The following WDR7 variants were observed in gnomAD, a reference collection of about 807,000 sequenced individuals.
WDR7 encodes the protein WD repeat domain 7, also known as WD repeat-containing protein 7.
In WDR7, 46 loss-of-function variants were observed where a neutral mutation model predicts 169.4. That is an observed-to-expected ratio of 0.27 (90% CI 0.21 to 0.35). The LOEUF (loss-of-function observed/expected upper bound fraction) is 0.35. Ranked by LOEUF, WDR7 falls within the 10% of genes least tolerant of loss-of-function variation. WDR7 has a pLI of 1.00. For missense variants in WDR7, 1,534 were observed against 1,859.3 expected (o/e 0.83, Z 3.22); for synonymous variants, 612 against 666.8 (o/e 0.92, Z 1.27).
Position 56,880,178 on chromosome 18 carries a change from A to G in WDR7, c.3526+13A>G, listed in dbSNP as rs2046085429. ...GCCAGACATACTTGTAAGTTTTAAA[A>G]CTTCTAATGCTGATCTGTTGCTTCT... On this transcript the variant is annotated intron_variant, in intron 21 of 27. Coordinates refer to ENST00000254442, the MANE Select transcript of WDR7 (RefSeq NM_015285.3). The G allele has an allele frequency of 4.3e-6, 7 of 1,609,528 alleles. No individual in the cohort carries two copies. Among genetic ancestry groups the G allele is most frequent in the African/African-American group, 1.3e-5 (1 of 74,728 alleles).
chr18:56,730,431 A>T (rs113177182), intron 13 of WDR7, among the ~76,000 whole-genome samples: 1 of 152,196 alleles, frequency 6.6e-6, no homozygotes, highest in Non-Finnish European at 1.5e-5. Context: ...AGAAATGCAT[A>T]GATGGAGATA....
intron 5 of WDR7, among the ~76,000 whole-genome samples, chr18:56,684,940 C>T (rs1310532709): frequency 3.9e-5 from 6 of 152,148 alleles, no homozygotes; most frequent in Non-Finnish European, 8.8e-5. Flanking sequence ...ATATATTTAT[C>T]TCTAATATTA....
intron 21 of WDR7, among the ~76,000 whole-genome samples, chr18:56,896,707 G>C (rs570372320): frequency 3.3e-5 from 5 of 151,858 alleles, no homozygotes; most frequent in African/African-American, 9.6e-5. Context: ...TGGATTTACA[G>C]ACAAAACCTT....
chr18:56,947,148 T>C (rs182402163), intron 25 of WDR7, among the ~76,000 whole-genome samples: 1 of 152,344 alleles, frequency 6.6e-6, no homozygotes, highest in East Asian at 1.9e-4. Flanking sequence ...GTAACAAATA[T>C]GGCTGTATTA....
chr18:56,707,362 G>A (rs2025982162), intron 12 of WDR7, among the ~76,000 whole-genome samples: 1 of 151,284 alleles, frequency 6.6e-6, no homozygotes, highest in Non-Finnish European at 1.5e-5. Flanking sequence ...ATGGCCAGGT[G>A]GTTTTAAAAC....
chr18:56,678,096 A>AT (rs1457406697), intron 2 of WDR7, among the ~76,000 whole-genome samples: 2 of 152,172 alleles, frequency 1.3e-5, no homozygotes, highest in Non-Finnish European at 2.9e-5. Context: ...CAGCTTCAGA[A>AT]TTTCTGCCAG....
chr18:56,907,108 A>G (rs2046488855), intron 21 of WDR7, among the ~76,000 whole-genome samples: 1 of 152,196 alleles, frequency 6.6e-6, no homozygotes, highest in Non-Finnish European at 1.5e-5. Context: ...TTTTAATGGT[A>G]TAAAGATGTG....
intron 20 of WDR7, among the ~76,000 whole-genome samples, chr18:56,843,031 G>A (rs2045510589): frequency 1.3e-5 from 2 of 152,068 alleles, no homozygotes; most frequent in South Asian, 4.2e-4. Context: ...ATAAGCAGCT[G>A]GAAGCTTTGA....
chr18:56,776,965 A>T (rs1201756208), intron 17 of WDR7, 85 bp downstream of exon 17: 2 of 1,257,474 alleles, frequency 1.6e-6, no homozygotes, highest in African/African-American at 2.9e-5. Context: ...TTACACATTC[A>T]TCTGCTTTGT....
chr18:56,727,247 T>A (rs563997972), intron 13 of WDR7, among the ~76,000 whole-genome samples: 3 of 152,280 alleles, frequency 2.0e-5, no homozygotes, highest in Admixed American at 2.0e-4. Context: ...GAAGCAGAAG[T>A]CTTTTCTGCT....
At chr18:56,912,909 C>T (rs1288413792) in intron 21 of WDR7, among the ~76,000 whole-genome samples, 3 of 151,320 alleles carry the variant, frequency 2.0e-5, no homozygotes, top group Non-Finnish European at 2.9e-5. Flanking sequence ...CGGTCTCACT[C>T]TGTCACCCAG....
rs535927286 is a variant in WDR7 at position 56,935,822 on chromosome 18, G to A, written c.3748G>A (p.Asp1250Asn). ...GGGGTTGCCTCTGAGCCCAGCAGCT[G>A]ACTCGGCCCGCTCTGCGAGGCATGC... The part of the protein sequence containing the change: ...TMGLPLSPAA[D>N]SARSARHALS... Residue 1250 changes from aspartate to asparagine, a missense_variant, in exon 23 of 28, where the codon GAC becomes AAC. Transcript: ENST00000254442. The A allele has an allele frequency of 7.4e-6, 12 of 1,614,110 alleles. No individual in the cohort carries two copies. In the Admixed American group the frequency reaches 1.3e-4, roughly 18 times the overall value.
chr18:56,798,817 A>T (rs921559867), intron 19 of WDR7, among the ~76,000 whole-genome samples: 1 of 152,356 alleles, frequency 6.6e-6, no homozygotes, highest in African/African-American at 2.4e-5. Flanking sequence ...GATCTTATAC[A>T]TGAGACATTT....
At chr18:56,864,455 GC>G (rs1350395177) in intron 20 of WDR7, among the ~76,000 whole-genome samples, 5 of 151,542 alleles carry the variant, frequency 3.3e-5, no homozygotes, top group African/African-American at 1.2e-4. Context: ...TTAATGTCTT[GC>G]GAAAATGACA....
intron 1 of WDR7, among the ~76,000 whole-genome samples, chr18:56,656,762 G>T (rs1181092820): frequency 6.6e-6 from 1 of 151,990 alleles, no homozygotes; most frequent in Non-Finnish European, 1.5e-5. Flanking sequence ...GTATTTTAGA[G>T]TTAGTTTGAG....
In WDR7 at chr18:56,813,168, C is replaced by T. The variant is rs189924281; in HGVS notation, c.3191-2863C>T. On this transcript the variant is annotated intron_variant, in intron 19 of 27. Coordinates refer to ENST00000254442, the MANE Select transcript of WDR7 (RefSeq NM_015285.3). ...CACAATGTGCACATGTACCCTAAAA[C>T]TTAGAGTATAATAAAAAAAAAAAAC... 5.6e-3 allele frequency among the ~76,000 whole-genome samples: 831 copies of T among 147,164 alleles called. 11 individuals carry two copies. The highest frequency in any genetic ancestry group is 0.02 in the African/African-American group (787 of 38,826).
At chr18:56,836,513 A>G (rs943575318) in intron 20 of WDR7, among the ~76,000 whole-genome samples, 5 of 152,222 alleles carry the variant, frequency 3.3e-5, no homozygotes, top group African/African-American at 1.2e-4. Flanking sequence ...TTGAATAGCC[A>G]TCACCATACT....
At chr18:56,744,004 C>A (rs1418799379) in intron 14 of WDR7, among the ~76,000 whole-genome samples, 1 of 151,930 alleles carries the variant, frequency 6.6e-6, no homozygotes, top group Non-Finnish European at 1.5e-5. Context: ...GTAATCCCAG[C>A]ACTTTGGGAG....
chr18:57,004,035 G>A (rs765111311), intron 26 of WDR7, among the ~76,000 whole-genome samples: 9 of 151,396 alleles, frequency 5.9e-5, no homozygotes, highest in East Asian at 2.0e-4. Flanking sequence ...GTGTGTGCGC[G>A]CACACACACA....
Sources: allele counts gnomAD v4.1 joint callset (sites outside exome capture counted in the v4.1 genomes callset), GRCh38; gene constraint gnomAD v4.1.1; transcripts MANE v1.5; gene names NCBI Gene and HGNC (gene_info 2026-07-23, HGNC 2026-07-21).